HSD17B7: variants seen among roughly 807,000 people sequenced by gnomAD.
The protein encoded by HSD17B7 is 3-keto-steroid reductase/17-beta-hydroxysteroid dehydrogenase 7.
HSD17B7 carries 17 observed loss-of-function variants against 34.1 expected under a neutral mutation model. That is an observed-to-expected ratio of 0.50 (90% CI 0.34 to 0.75). The LOEUF (loss-of-function observed/expected upper bound fraction) is 0.75, where lower values mean the gene tolerates loss of function less well. Among genes scored for constraint, HSD17B7 ranks in the 30% least tolerant of loss-of-function variants. HSD17B7 has a pLI of 0.01. For missense variants in HSD17B7, 296 were observed against 406.6 expected, an observed-to-expected ratio of 0.73 and a Z score of 2.34; for synonymous variants, 122 against 154.6, an observed-to-expected ratio of 0.79 and a Z score of 1.56.
At chr1:162,806,897 G>C (rs1303144733) in intron 8 of HSD17B7, among the ~76,000 whole-genome samples, 2 of 152,190 alleles carry the variant, frequency 1.3e-5, no homozygotes, top group Non-Finnish European at 2.9e-5. Flanking sequence ...AACTAGAAGA[G>C]TTCTGTAATG....
chr1:162,809,411 G>A (rs1255326337), intron 8 of HSD17B7, among the ~76,000 whole-genome samples: 3 of 152,166 alleles, frequency 2.0e-5, no homozygotes, highest in Admixed American at 2.0e-4. Flanking sequence ...GTTCATCAGG[G>A]ATATTGGTCT....
intron 3 of HSD17B7, chr1:162,797,104 C>T (rs1452553063): frequency 5.8e-6 from 1 of 173,084 alleles, no homozygotes. Context: ...TCTCGTTACT[C>T]ATTAGTGTAG....
At position 162,812,393 on chromosome 1, in the gene HSD17B7, G is replaced by A. The variant is rs749093452; in HGVS notation, c.999G>A (p.Gln333=). The change falls in exon 9 of 9, where the codon CAG becomes CAA. Residue 333 remains glutamine, a synonymous_variant. Coordinates refer to ENST00000254521, the MANE Select transcript of HSD17B7 (RefSeq NM_016371.4). ...IRVTIQKTDN[Q]ARLSGSCL ...TCACTATTCAAAAAACAGATAATCAGGCCAGGCTCAGTGGCTCATGCCTAT... is the reference window on the plus strand; with the variant it reads ...TCACTATTCAAAAAACAGATAATCAAGCCAGGCTCAGTGGCTCATGCCTAT... 1.2e-6 allele frequency: 2 copies of A among 1,602,300 alleles called. No individual in the cohort carries two copies. Among genetic ancestry groups the A allele is most frequent in the Non-Finnish European group, 8.5e-7 (1 of 1,173,572 alleles).
intron 4 of HSD17B7, among the ~76,000 whole-genome samples, chr1:162,799,221 T>C (rs1358598620): frequency 6.6e-6 from 1 of 152,196 alleles, no homozygotes; most frequent in East Asian, 1.9e-4. Context: ...TAAATACTAT[T>C]TTATTTTCCT....
At chr1:162,808,024 A>G (rs1008663282) in intron 8 of HSD17B7, among the ~76,000 whole-genome samples, 18 of 152,240 alleles carry the variant, frequency 1.2e-4, no homozygotes, top group Admixed American at 3.3e-4. Flanking sequence ...TTGGTGTTTT[A>G]GACATGAAGT....
chr1:162,802,394 T>G (rs1648842532), intron 5 of HSD17B7, among the ~76,000 whole-genome samples: 1 of 152,246 alleles, frequency 6.6e-6, no homozygotes, highest in African/African-American at 2.4e-5. Flanking sequence ...CATTGTTTTC[T>G]TAGGAAAAAC....
chr1:162,791,664 T>C (rs1002010368), intron 1 of HSD17B7, among the ~76,000 whole-genome samples: 6 of 149,450 alleles, frequency 4.0e-5, no homozygotes, highest in Non-Finnish European at 7.4e-5. Flanking sequence ...CCCTCTCAAG[T>C]GACTTTAACC....
chr1:162,805,569 C>T (rs1648955874), intron 8 of HSD17B7, 77 bp downstream of exon 8: 21 of 1,560,118 alleles, frequency 1.3e-5, no homozygotes, highest in Non-Finnish European at 1.7e-5. Context: ...ACCAGCCCCT[C>T]AGCCCCCCAG....
intron 8 of HSD17B7, among the ~76,000 whole-genome samples, chr1:162,809,898 A>G (rs1486859131): frequency 6.6e-6 from 1 of 152,056 alleles, no homozygotes; most frequent in African/African-American, 2.4e-5. Context: ...TCAAAAAACC[A>G]GCTCCTGGAT....
chr1:162,803,731 T>C (rs2457623), intron 6 of HSD17B7, among the ~76,000 whole-genome samples, 196 bp downstream of exon 6: 4,769 of 109,752 alleles, frequency 0.043, 28 homozygotes, highest in African/African-American at 0.087. Flanking sequence ...TTTGAGTGTC[T>C]ACTTCTCTTT....
intron 2 of HSD17B7, 169 bp downstream of exon 2, chr1:162,793,031 CTTT>C (rs201857530): frequency 2.0e-5 from 7 of 351,926 alleles, no homozygotes; most frequent in African/African-American, 2.7e-5. Flanking sequence ...CGTTTTCTTT[CTTT>C]TTTTTTTTTT....
At chr1:162,803,599 T>C (rs1165927234) in intron 6 of HSD17B7, 64 bp downstream of exon 6, 33 of 1,553,726 alleles carry the variant, frequency 2.1e-5, no homozygotes, top group Non-Finnish European at 2.7e-5. Context: ...CTAGAAGATA[T>C]GTTTAAGGGT....
At chr1:162,808,526 G>A (rs558825694) in intron 8 of HSD17B7, among the ~76,000 whole-genome samples, 1 of 152,174 alleles carries the variant, frequency 6.6e-6, no homozygotes, top group Admixed American at 6.5e-5. Flanking sequence ...TAGCTTGATG[G>A]GGATGGCATT....
At chr1:162,800,010 A>G in intron 5 of HSD17B7, 73 bp downstream of exon 5, 2 of 1,282,822 alleles carry the variant, frequency 1.6e-6, no homozygotes, top group Non-Finnish European at 1.1e-6. Context: ...ATTTCCTAAT[A>G]AGGTAGCTGG....
intron 8 of HSD17B7, among the ~76,000 whole-genome samples, chr1:162,810,967 A>T (rs1278769628): frequency 6.6e-6 from 1 of 152,126 alleles, no homozygotes; most frequent in Non-Finnish European, 1.5e-5. Context: ...TAATATTGTT[A>T]TGTGTGAATT....
chr1:162,801,311 G>T (rs138341552), intron 5 of HSD17B7, among the ~76,000 whole-genome samples: 1,885 of 152,184 alleles, frequency 0.012, 30 homozygotes, highest in African/African-American at 0.043. Context: ...GCATACTTTC[G>T]GGAACTGAAT....
chr1:162,808,630 C>T (rs556812909), intron 8 of HSD17B7, among the ~76,000 whole-genome samples: 6 of 152,170 alleles, frequency 3.9e-5, no homozygotes, highest in Non-Finnish European at 5.9e-5. Context: ...TGTTTGTGTC[C>T]TCTTTTATTT....
rs780864653 is a variant in HSD17B7 at position 162,790,826 on chromosome 1, G to T, written c.26G>T (p.Gly9Val). 7.4e-6 allele frequency: 12 copies of T among 1,613,896 alleles called. No homozygotes were observed. The highest frequency in any genetic ancestry group is 1.7e-5 in the Admixed American group (1 of 59,996). MRKVVLIT[G>V]ASSGIGLALC... The stretch of plus-strand genomic sequence containing the variant: ...ATGCGAAAGGTGGTTTTGATCACCG[G>T]GGCTAGCAGGTGAGGCCTCCTTTGG... Residue 9 changes from glycine to valine, a missense_variant, in exon 1 of 9, where the codon GGG (glycine) becomes GTG (valine). Physicochemically the swap from Gly to Val is moderately radical, Grantham distance 109 (BLOSUM62 -3). Transcript: ENST00000254521.
intron 1 of HSD17B7, 126 bp from the exon 2 acceptor site, chr1:162,792,533 T>C: frequency 8.1e-7 from 1 of 1,242,128 alleles, no homozygotes; most frequent in Non-Finnish European, 1.1e-6. Flanking sequence ...AATTGTTGAG[T>C]CTTTTCTTTC....
Sources: gnomAD v4.1 joint callset for allele counts (sites outside exome capture counted in the v4.1 genomes callset) on GRCh38, gnomAD v4.1.1 for gene constraint, MANE v1.5 for transcripts, NCBI Gene and HGNC (gene_info 2026-07-23, HGNC 2026-07-21) for gene names.